PREPL: variants seen among roughly 807,000 people sequenced by gnomAD.
PREPL encodes prolyl endopeptidase like, also known as prolyl endopeptidase-like.
PREPL carries 77 observed loss-of-function variants against 70.6 expected under a neutral mutation model. The ratio of observed to expected loss-of-function variants is 1.09; its 90% CI spans 0.91 to 1.32. The LOEUF is 1.32. Ranked by LOEUF, PREPL falls within the 40% of genes most tolerant of loss-of-function variation. The pLI is 0.00. For synonymous variants in PREPL, 315 were observed against 264.8 expected, an observed-to-expected ratio of 1.19 and a Z score of -1.84; for missense variants, 1,002 against 778.2, an observed-to-expected ratio of 1.29 and a Z score of -3.42.
intron 1 of PREPL, among the ~76,000 whole-genome samples, chr2:44,346,913 T>A (rs538389377): frequency 2.6e-4 from 40 of 152,172 alleles, no homozygotes; most frequent in Non-Finnish European, 5.1e-4. Context: ...ATTTCCCTAC[T>A]TCATTAACTA....
Position 44,318,058 on chromosome 2 carries a change from CA to C in PREPL, c.*3297del. The C allele has an allele frequency of 2.3e-6, 1 of 426,710 alleles. No individual in the cohort carries two copies. Among genetic ancestry groups the C allele is most frequent in the Admixed American group, 2.7e-5 (1 of 36,674 alleles). 26.4% of individuals were successfully genotyped at this position (426,710 alleles called of 1,614,324 possible). A position where few individuals can be genotyped will look rare whatever the true frequency, so the allele number is the denominator to read the frequency against. ...CATTCCTAATACTTAGAAATATTTGCACATGTGCACAATAATACTTAAAGGA... is the reference window on the plus strand; with the variant it reads ...CATTCCTAATACTTAGAAATATTTGCCATGTGCACAATAATACTTAAAGGA... On this transcript the variant is annotated 3_prime_UTR_variant, in exon 14 of 14. Transcript: ENST00000409411.
At chr2:44,340,385 A>G (rs910648396) in intron 5 of PREPL, among the ~76,000 whole-genome samples, 4 of 152,134 alleles carry the variant, frequency 2.6e-5, no homozygotes, top group Admixed American at 6.6e-5. Context: ...ATACTAACAT[A>G]ATGAGTGGCT....
intron 1 of PREPL, chr2:44,359,876 G>A: frequency 1.7e-6 from 1 of 586,020 alleles, no homozygotes; most frequent in African/African-American, 1.9e-5. Context: ...AATAACTTCA[G>A]ACAGCTGATA....
chr2:44,338,597 A>T, intron 6 of PREPL, 61 bp from the exon 7 acceptor site: 2 of 1,348,582 alleles, frequency 1.5e-6, no homozygotes, highest in Non-Finnish European at 2.0e-6. Context: ...CAGCATCCAG[A>T]GATGCAATCA....
rs965960991 is a variant in PREPL, at chr2:44,319,474, A to G, written c.*1882T>C. 2.0e-5 allele frequency: 3 copies of G among 152,192 alleles called. No individual in the cohort carries two copies. Among genetic ancestry groups the G allele is most frequent in the Admixed American group, 2.0e-4 (3 of 15,270 alleles). 9.4% of individuals were successfully genotyped at this position (152,192 alleles called of 1,614,324 possible). On this transcript the variant is annotated 3_prime_UTR_variant, in exon 14 of 14. Transcript: ENST00000409411. Reference sequence around the variant, plus strand: ...GCTGAGTATGGTACAACCGTTCAACAGAATATTGTCATTAAAAACATTTAT... The same window carrying G: ...GCTGAGTATGGTACAACCGTTCAACGGAATATTGTCATTAAAAACATTTAT...
Position 44,321,154 on chromosome 2 carries a change from G to C in PREPL, c.*202C>G. 1.8e-6 allele frequency: 1 copy of C among 554,780 alleles called. No homozygotes were observed. The allele number at this position is 554,780 out of a possible 1,614,324, so 34.4% of individuals were successfully genotyped here. ...GCATGATTTGAAAATTACTTTCCTA[G>C]GTTAATGGGCATGTGCATCAATGGA... On this transcript the variant is annotated 3_prime_UTR_variant, in exon 14 of 14. Transcript: ENST00000409411.
In PREPL at chr2:44,318,093, CTGT is replaced by C. The variant is rs750621662; in HGVS notation, c.*3260_*3262del. 2.3e-4 allele frequency: 92 copies of C among 394,862 alleles called. No homozygotes were observed. Among genetic ancestry groups the C allele is most frequent in the African/African-American group, 1.9e-3 (64 of 33,314 alleles). The allele number at this position is 394,862 out of a possible 1,614,324, so 24.5% of individuals were successfully genotyped here. A position where few individuals can be genotyped will look rare whatever the true frequency, so the allele number is the denominator to read the frequency against. The stretch of plus-strand genomic sequence containing the variant: ...CAATAATACTTAAAGGATCTCAACA[CTGT>C]TTTTTTTTTTTTTTGAGACAGTCTT... On this transcript the variant is annotated 3_prime_UTR_variant, in exon 14 of 14. Coordinates refer to ENST00000409411, the MANE Select transcript of PREPL (RefSeq NM_001171613.2).
chr2:44,320,193 A>C lies in PREPL; in HGVS notation c.*1163T>G. On this transcript the variant is annotated 3_prime_UTR_variant, in exon 14 of 14. Transcript: ENST00000409411. ...CACTTACGTAAATACTTTTTTAAAA[A>C]AATAGGTCCAAAAGACTCAGCCCAG... 1 of 1,610,206 alleles carries C rather than the reference A, an allele frequency of 6.2e-7. No individual in the cohort carries two copies. Among genetic ancestry groups the C allele is most frequent in the Non-Finnish European group, 8.5e-7 (1 of 1,177,214 alleles).
chr2:44,353,486 G>T (rs1287269990), intron 1 of PREPL, among the ~76,000 whole-genome samples: 1 of 151,948 alleles, frequency 6.6e-6, no homozygotes. Context: ...TACTCGGGGG[G>T]CCTTGGCAGG....
In PREPL at chr2:44,322,615, T is replaced by G. The variant is rs368295247; in HGVS notation, c.1753+116A>C. The G allele has an allele frequency of 1.9e-5, 25 of 1,342,644 alleles. No individual in the cohort carries two copies. The East Asian group carries it at 1.9e-4, about 10-fold the overall frequency. 83.2% of individuals were successfully genotyped at this position (1,342,644 alleles called of 1,614,324 possible). On this transcript the variant is annotated intron_variant, in intron 12 of 13. Transcript: ENST00000409411. ...GGAGTCAACATAGCAAAATAATTGT[T>G]TGCCCTAAATCCTGGGCAGATGATT... is the stretch of plus-strand genomic sequence containing the variant.
intron 13 of PREPL, 97 bp from the exon 14 acceptor site, chr2:44,321,542 G>A: frequency 1.3e-6 from 2 of 1,523,006 alleles, no homozygotes; most frequent in Middle Eastern, 4.0e-4. Flanking sequence ...ACCTAACCGT[G>A]AAGTCAGCAA....
At chr2:44,348,295 C>T (rs1273004973) in intron 1 of PREPL, among the ~76,000 whole-genome samples, 1 of 152,138 alleles carries the variant, frequency 6.6e-6, no homozygotes, top group Non-Finnish European at 1.5e-5. Flanking sequence ...TACAGTTGAT[C>T]TTTAAAGTGG....
rs1478704029 is a variant in PREPL at position 44,341,488 on chromosome 2, TTA to T, written c.485+927_485+928del. ...ATTTTCAACACTTTCTTCGCTGTTTTTATATATTTTTGTTTGCTTAGTTTGGT... is the reference window on the plus strand; with the variant it reads ...ATTTTCAACACTTTCTTCGCTGTTTTTATATTTTTGTTTGCTTAGTTTGGT... On this transcript the variant is annotated intron_variant, in intron 5 of 13. Coordinates refer to ENST00000409411, the MANE Select transcript of PREPL (RefSeq NM_001171613.2). Among the ~76,000 whole-genome samples the T allele has an allele frequency of 5.3e-5, 8 of 152,144 alleles. No individual in the cohort carries two copies. In the East Asian group the frequency reaches 1.5e-3, roughly 29 times the overall value.
intron 1 of PREPL, among the ~76,000 whole-genome samples, chr2:44,353,950 T>C (rs568644795): frequency 6.6e-6 from 1 of 152,186 alleles, no homozygotes; most frequent in East Asian, 1.9e-4. Flanking sequence ...TACTTGAGCT[T>C]AGGAGTTTGA....
intron 4 of PREPL, 143 bp downstream of exon 4, chr2:44,343,602 G>C: frequency 1.5e-6 from 1 of 648,552 alleles, no homozygotes. Context: ...TCCTGAATAA[G>C]AGGTACATAG....
intron 5 of PREPL, among the ~76,000 whole-genome samples, chr2:44,341,037 G>T (rs1335620737): frequency 6.6e-6 from 1 of 151,160 alleles, no homozygotes; most frequent in Non-Finnish European, 1.5e-5. Context: ...TGTGGTTTTT[G>T]ACTTGAGTTT....
rs1389594003 is a variant in PREPL at position 44,332,598 on chromosome 2, G to A, written c.947C>T (p.Pro316Leu). The A allele has an allele frequency of 3.7e-6, 6 of 1,613,756 alleles. No homozygotes were observed. The highest frequency in any genetic ancestry group is 5.1e-6 in the Non-Finnish European group (6 of 1,179,822). ...MDTNSDPKNC[P>L]FQLCSPIRPP... The stretch of plus-strand genomic sequence containing the variant: ...ACGTATTGGAGAGCAAAGTTGAAAG[G>A]GGCAGTTCTTTGGGTCAGAATTTGT... The change falls in exon 8 of 14, where the codon CCC (proline) becomes CTC (leucine). Residue 316 changes from proline (P) to leucine (L), a missense_variant. Pro to Leu is a moderately conservative substitution (Grantham distance 98). Coordinates refer to ENST00000409411, the MANE Select transcript of PREPL (RefSeq NM_001171613.2).
chr2:44,339,721 G>T (rs1487296796), intron 5 of PREPL, among the ~76,000 whole-genome samples: 4 of 152,024 alleles, frequency 2.6e-5, no homozygotes, highest in Admixed American at 2.6e-4. Flanking sequence ...GCATTTCAAG[G>T]TAAACTACAA....
chr2:44,346,161 A>G, intron 2 of PREPL, 107 bp downstream of exon 2: 2 of 1,044,126 alleles, frequency 1.9e-6, no homozygotes, highest in Non-Finnish European at 2.8e-6. Flanking sequence ...AAAGGCCAAA[A>G]GCAGTATAAT....
Sources: gnomAD v4.1 joint callset for allele counts (sites outside exome capture counted in the v4.1 genomes callset) on GRCh38, gnomAD v4.1.1 for gene constraint, MANE v1.5 for transcripts, NCBI Gene and HGNC (gene_info 2026-07-23, HGNC 2026-07-21) for gene names.